The following PDZRN4 variants were observed in gnomAD, a reference collection of about 807,000 sequenced individuals.
The protein encoded by PDZRN4 is PDZ domain-containing RING finger protein 4.
Under a neutral mutation model 99.0 loss-of-function variants are expected in PDZRN4, and 70 were observed. That is an observed-to-expected ratio of 0.71 (90% CI 0.58 to 0.86). PDZRN4 has a LOEUF of 0.86. Ranked by LOEUF, PDZRN4 falls within the 40% of genes least tolerant of loss-of-function variation. PDZRN4 has a pLI of 0.00. For synonymous variants in PDZRN4, 551 were observed against 501.6 expected (o/e 1.10, Z -1.32); for missense variants, 1,474 against 1,331.2 (o/e 1.11, Z -1.67).
At chr12:41,483,298 C>A (rs865930523) in intron 3 of PDZRN4, among the ~76,000 whole-genome samples, 10 of 152,024 alleles carry the variant, frequency 6.6e-5, no homozygotes, top group African/African-American at 2.4e-4. Flanking sequence ...TACACAAGAT[C>A]CTACACAGTA....
chr12:41,296,851 A>G (rs551196248), intron 3 of PDZRN4, among the ~76,000 whole-genome samples: 1 of 152,186 alleles, frequency 6.6e-6, no homozygotes, highest in African/African-American at 2.4e-5. Context: ...CCTAGCTACC[A>G]GGAGGCTGAG....
chr12:41,469,853 C>T lies in PDZRN4; in HGVS notation c.844-36603C>T, dbSNP rs544919352. On this transcript the variant is annotated intron_variant, in intron 3 of 9. Coordinates refer to ENST00000402685, the MANE Select transcript of PDZRN4 (RefSeq NM_001164595.2). ...GCTGAGGCGGGAGAATGGTGTGAAC[C>T]TGGGAGGCAGAGCTTGCAGTGAGCA... Among the ~76,000 whole-genome samples the T allele has an allele frequency of 1.1e-4, 17 of 152,210 alleles. 1 individual carries two copies. In the East Asian group the frequency reaches 2.7e-3, roughly 24 times the overall value.
chr12:41,248,474 T>C (rs1951147542), intron 3 of PDZRN4, among the ~76,000 whole-genome samples: 1 of 152,004 alleles, frequency 6.6e-6, no homozygotes, highest in Non-Finnish European at 1.5e-5. Context: ...TAGAATTCAA[T>C]GACTAAATCC....
chr12:41,295,056 AT>A (rs981529459), intron 3 of PDZRN4, among the ~76,000 whole-genome samples: 7 of 152,180 alleles, frequency 4.6e-5, no homozygotes, highest in Admixed American at 6.5e-5. Flanking sequence ...AGCAGAGACA[AT>A]GGAGCAATCC....
intron 5 of PDZRN4, among the ~76,000 whole-genome samples, chr12:41,532,102 C>T (rs964163371): frequency 1.3e-5 from 2 of 152,052 alleles, no homozygotes; most frequent in Non-Finnish European, 2.9e-5. Flanking sequence ...TTATTTTTTA[C>T]TGTGGTTAGA....
chr12:41,408,783 T>TTCTCTC (rs1215457271), intron 3 of PDZRN4, among the ~76,000 whole-genome samples: 6 of 150,382 alleles, frequency 4.0e-5, no homozygotes, highest in Non-Finnish European at 7.4e-5. Flanking sequence ...TCTCTCTGTC[T>TTCTCTC]TCTCTCTCTC....
At chr12:41,465,401 T>C (rs1479915904) in intron 3 of PDZRN4, among the ~76,000 whole-genome samples, 3 of 152,250 alleles carry the variant, frequency 2.0e-5, no homozygotes, top group Non-Finnish European at 4.4e-5. Context: ...AGGTTATTTT[T>C]TTTAAACTCT....
At chr12:41,326,308 G>C (rs1951709222) in intron 3 of PDZRN4, among the ~76,000 whole-genome samples, 1 of 152,006 alleles carries the variant, frequency 6.6e-6, no homozygotes, top group African/African-American at 2.4e-5. Flanking sequence ...ATAACCGGTA[G>C]CAATGCACTT....
chr12:41,274,433 C>G (rs1951336589), intron 3 of PDZRN4, among the ~76,000 whole-genome samples: 1 of 152,194 alleles, frequency 6.6e-6, no homozygotes, highest in African/African-American at 2.4e-5. Context: ...GAGCTTGTTT[C>G]TATGTTTAGT....
intron 3 of PDZRN4, among the ~76,000 whole-genome samples, chr12:41,293,319 A>G (rs1481327868): frequency 6.6e-6 from 1 of 150,542 alleles, no homozygotes. Flanking sequence ...ATATGGACAC[A>G]CATGTAGCAT....
intron 3 of PDZRN4, among the ~76,000 whole-genome samples, chr12:41,440,010 T>C (rs1243659940): frequency 2.0e-5 from 3 of 152,146 alleles, no homozygotes; most frequent in African/African-American, 7.2e-5. Context: ...GTTTCTATTT[T>C]TATTTGGAGG....
intron 3 of PDZRN4, among the ~76,000 whole-genome samples, chr12:41,393,762 T>C (rs1952226549): frequency 6.6e-6 from 1 of 152,174 alleles, no homozygotes; most frequent in Admixed American, 6.5e-5. Context: ...GGTGAGCTAA[T>C]CTGGAGGACC....
chr12:41,543,043 A>C (rs1449495390), intron 5 of PDZRN4, among the ~76,000 whole-genome samples: 1 of 152,078 alleles, frequency 6.6e-6, no homozygotes, highest in African/African-American at 2.4e-5. Context: ...AATCAATCCT[A>C]ATCCACCTCT....
chr12:41,243,844 T>C (rs1490079683), intron 3 of PDZRN4, among the ~76,000 whole-genome samples: 2 of 152,216 alleles, frequency 1.3e-5, no homozygotes, highest in Non-Finnish European at 2.9e-5. Flanking sequence ...TCCCTATAAC[T>C]AATGTTCCTA....
intron 5 of PDZRN4, among the ~76,000 whole-genome samples, chr12:41,528,137 C>T (rs1424874233): frequency 6.6e-6 from 1 of 152,172 alleles, no homozygotes; most frequent in Admixed American, 6.5e-5. Context: ...TTCATCACCT[C>T]ATGCATGGAT....
intron 5 of PDZRN4, among the ~76,000 whole-genome samples, chr12:41,527,886 GC>G (rs1297854687): frequency 6.6e-6 from 1 of 152,154 alleles, no homozygotes; most frequent in Non-Finnish European, 1.5e-5. Context: ...CACCCAAATA[GC>G]CCCCAAAACA....
chr12:41,470,354 T>C (rs1259955506), intron 3 of PDZRN4, among the ~76,000 whole-genome samples: 1 of 152,186 alleles, frequency 6.6e-6, no homozygotes, highest in African/African-American at 2.4e-5. Context: ...CTCTTTTGTT[T>C]TGTTTTGTTT....
At chr12:41,377,116 T>G (rs1030185044) in intron 3 of PDZRN4, among the ~76,000 whole-genome samples, 1 of 152,222 alleles carries the variant, frequency 6.6e-6, no homozygotes, top group African/African-American at 2.4e-5. Context: ...TATCATACTG[T>G]TTTGATTACT....
intron 3 of PDZRN4, among the ~76,000 whole-genome samples, chr12:41,374,863 G>A (rs1289901767): frequency 6.6e-6 from 1 of 152,220 alleles, no homozygotes; most frequent in Non-Finnish European, 1.5e-5. Flanking sequence ...GAATGGGCTA[G>A]ACCTAGTGAC....
Sources: gnomAD v4.1 joint callset for allele counts (sites outside exome capture counted in the v4.1 genomes callset) on GRCh38, gnomAD v4.1.1 for gene constraint, MANE v1.5 for transcripts, NCBI Gene and HGNC (gene_info 2026-07-23, HGNC 2026-07-21) for gene names.